Variants in PCDHA6 observed in about 807,000 individuals in gnomAD.
PCDHA6 encodes protocadherin alpha 6, also known as protocadherin alpha-6.
In PCDHA6, 55 loss-of-function variants were observed where a neutral mutation model predicts 60.3. The ratio of observed to expected loss-of-function variants is 0.91; its 90% CI spans 0.73 to 1.14. The LOEUF (loss-of-function observed/expected upper bound fraction) is 1.14. Among genes scored for constraint, PCDHA6 ranks in the 50% most tolerant of loss-of-function variants. PCDHA6 has a pLI of 0.00. For missense variants in PCDHA6, 1,327 were observed against 1,256.5 expected (o/e 1.06, Z -0.85); for synonymous variants, 652 against 557.9 (o/e 1.17, Z -2.38).
intron 1 of PCDHA6, chr5:140,968,189 TC>T: frequency 6.2e-7 from 1 of 1,614,034 alleles, no homozygotes; most frequent in Non-Finnish European, 8.5e-7. Context: ...GGACTCCTAT[TC>T]CATCTACATA....
chr5:140,974,534 G>A (rs929112962), intron 1 of PCDHA6, among the ~76,000 whole-genome samples: 4 of 151,974 alleles, frequency 2.6e-5, no homozygotes, highest in Admixed American at 1.3e-4. Flanking sequence ...TTTTTGAGAC[G>A]GAGTTTTGCT....
chr5:140,884,586 G>A (rs782106355), intron 1 of PCDHA6: 1 of 1,614,250 alleles, frequency 6.2e-7, no homozygotes, highest in Admixed American at 1.7e-5. Flanking sequence ...ATGGCCTTCA[G>A]TCCCAGCCTT....
intron 1 of PCDHA6, chr5:140,967,162 C>T (rs782524334): frequency 1.9e-6 from 3 of 1,610,776 alleles, no homozygotes; most frequent in Non-Finnish European, 2.5e-6. Context: ...TGGCGGTGAG[C>T]GCCGTTGAGG....
intron 3 of PCDHA6, among the ~76,000 whole-genome samples, chr5:140,987,919 A>G (rs1441531471): frequency 1.3e-5 from 2 of 152,082 alleles, no homozygotes; most frequent in East Asian, 3.9e-4. Context: ...TATATTCTTA[A>G]TTGTCTCAAG....
At chr5:141,007,638 T>G (rs1393056593) in intron 3 of PCDHA6, among the ~76,000 whole-genome samples, 7 of 152,128 alleles carry the variant, frequency 4.6e-5, no homozygotes, top group African/African-American at 1.7e-4. Context: ...GCCCTCCCTG[T>G]ATTTGCCTAA....
chr5:140,959,382 A>C (rs1332960560), intron 1 of PCDHA6, among the ~76,000 whole-genome samples: 1 of 152,200 alleles, frequency 6.6e-6, no homozygotes, highest in African/African-American at 2.4e-5. Flanking sequence ...TCAAAAAAAA[A>C]AGTCACAAAT....
At chr5:140,848,487 G>C (rs782524885) in intron 1 of PCDHA6, 2 of 1,574,380 alleles carry the variant, frequency 1.3e-6, no homozygotes, top group Non-Finnish European at 1.7e-6. Flanking sequence ...AGAAGACTGA[G>C]TATTTGAAAT....
chr5:140,879,101 A>G (rs2153365508), intron 1 of PCDHA6, among the ~76,000 whole-genome samples: 1 of 152,330 alleles, frequency 6.6e-6, no homozygotes, highest in East Asian at 1.9e-4. Context: ...TGCACAGTAT[A>G]TGGTGTAATT....
At chr5:140,914,710 G>GT (rs1554196543) in intron 1 of PCDHA6, among the ~76,000 whole-genome samples, 1 of 151,256 alleles carries the variant, frequency 6.6e-6, no homozygotes, top group Non-Finnish European at 1.5e-5. Context: ...TTAATTTCTT[G>GT]TTTTTTATTT....
intron 1 of PCDHA6, among the ~76,000 whole-genome samples, chr5:140,855,023 G>A (rs115040572): frequency 1.3e-5 from 2 of 149,492 alleles, no homozygotes; most frequent in South Asian, 2.1e-4. Flanking sequence ...GAAACTTCTT[G>A]TATAAAGGAT....
intron 1 of PCDHA6, among the ~76,000 whole-genome samples, chr5:140,970,397 T>C (rs2096402198): frequency 6.6e-6 from 1 of 152,218 alleles, no homozygotes; most frequent in Non-Finnish European, 1.5e-5. Flanking sequence ...GGAAAGTGGA[T>C]GGCTTACCCT....
intron 1 of PCDHA6, among the ~76,000 whole-genome samples, chr5:140,913,649 T>A (rs1284685382): frequency 1.3e-5 from 2 of 152,166 alleles, no homozygotes; most frequent in Non-Finnish European, 2.9e-5. Flanking sequence ...TTTCTAGTTC[T>A]TTAAGATGTA....
At chr5:140,887,256 C>T (rs1554182988) in intron 1 of PCDHA6, among the ~76,000 whole-genome samples, 1 of 152,002 alleles carries the variant, frequency 6.6e-6, no homozygotes, top group African/African-American at 2.4e-5. Context: ...GCCACCACGC[C>T]CTGCTAATTT....
intron 1 of PCDHA6, chr5:140,967,577 C>G (rs141338011): frequency 1.2e-6 from 2 of 1,614,016 alleles, no homozygotes; most frequent in Non-Finnish European, 1.7e-6. Flanking sequence ...GGAGGACTCA[C>G]CCCCAGGCAC....
chr5:140,829,687 G>A lies in PCDHA6; in HGVS notation c.1596G>A (p.Gln532=), dbSNP rs2150172545. 1.9e-6 allele frequency: 3 copies of A among 1,613,340 alleles called. No individual in the cohort carries two copies. Among genetic ancestry groups the A allele is most frequent in the East Asian group, 2.2e-5 (1 of 44,872 alleles). ...PLDHEELELL[Q]FQVSARDAGV... ...ACCACGAGGAGCTAGAGCTGCTGCAGTTTCAGGTGAGCGCGCGCGACGCGG... is the reference window on the plus strand; with the variant it reads ...ACCACGAGGAGCTAGAGCTGCTGCAATTTCAGGTGAGCGCGCGCGACGCGG... The change falls in exon 1 of 4, where the codon CAG becomes CAA. Residue 532 remains glutamine, a synonymous_variant. Coordinates refer to ENST00000529310, the MANE Select transcript of PCDHA6 (RefSeq NM_018909.4).
intron 1 of PCDHA6, among the ~76,000 whole-genome samples, chr5:140,931,278 T>G (rs1488323710): frequency 1.3e-5 from 2 of 152,174 alleles, no homozygotes; most frequent in Non-Finnish European, 2.9e-5. Context: ...TCTTTTATTT[T>G]CATTGCTTTC....
At chr5:140,944,596 G>A (rs2093672992) in intron 1 of PCDHA6, among the ~76,000 whole-genome samples, 1 of 152,138 alleles carries the variant, frequency 6.6e-6, no homozygotes, top group Admixed American at 6.5e-5. Context: ...ATTTCCCTGG[G>A]TAGAGTAGTG....
At chr5:140,861,401 G>T in intron 1 of PCDHA6, 1 of 465,630 alleles carries the variant, frequency 2.1e-6, no homozygotes, top group Non-Finnish European at 4.4e-6. Flanking sequence ...TGGAGCTTGT[G>T]GAGCTGATAC....
At chr5:140,940,809 C>G (rs1308338406) in intron 1 of PCDHA6, among the ~76,000 whole-genome samples, 1 of 152,118 alleles carries the variant, frequency 6.6e-6, no homozygotes, top group Admixed American at 6.5e-5. Flanking sequence ...GCCAGGATAT[C>G]CTGAGATCTT....
Sources: allele counts gnomAD v4.1 joint callset (sites outside exome capture counted in the v4.1 genomes callset), GRCh38; gene constraint gnomAD v4.1.1; transcripts MANE v1.5; gene names NCBI Gene and HGNC (gene_info 2026-07-23, HGNC 2026-07-21).